The following WRNIP1 variants were observed in gnomAD, a reference collection of about 807,000 sequenced individuals.
The protein encoded by WRNIP1 is ATPase WRNIP1.
In WRNIP1, 41 loss-of-function variants were observed where a neutral mutation model predicts 56.1. The ratio of observed to expected loss-of-function variants is 0.73; its 90% CI spans 0.57 to 0.95. The LOEUF (loss-of-function observed/expected upper bound fraction) is 0.95. Among genes scored for constraint, WRNIP1 ranks in the 40% least tolerant of loss-of-function variants. The probability of loss-of-function intolerance (pLI) is 0.00; values close to 1 mark genes in which losing one functional copy is unlikely to be tolerated. For synonymous variants in WRNIP1, 547 were observed against 398.1 expected, an observed-to-expected ratio of 1.37 and a Z score of -4.45; for missense variants, 1,170 against 939.4, an observed-to-expected ratio of 1.25 and a Z score of -3.21.
intron 1 of WRNIP1, among the ~76,000 whole-genome samples, 184 bp from the exon 2 acceptor site, chr6:2,768,507 T>C (rs1329412470): frequency 6.6e-6 from 1 of 152,218 alleles, no homozygotes; most frequent in Non-Finnish European, 1.5e-5. Flanking sequence ...TTATTTATAA[T>C]ATTTTTGTTG....
rs1024949784 is a variant in WRNIP1 at position 2,765,822 on chromosome 6, C to A, written c.200C>A (p.Pro67His). Residue 67 changes from proline (P) to histidine (H), a missense_variant, in exon 1 of 7, where the codon CCC becomes CAC. Transcript: ENST00000380773. ...AGERAKGPSP[P>H]GAKRRRLSES... is the part of the protein sequence containing the mutation. ...GAGCGGGCCAAGGGGCCCTCGCCGC[C>A]CGGCGCCAAGAGGCGGCGGCTGTCG... The A allele has an allele frequency of 4.3e-5, 58 of 1,357,256 alleles. No homozygotes were observed. The highest frequency in any genetic ancestry group is 5.4e-5 in the Non-Finnish European group (57 of 1,059,936). 84.1% of individuals were successfully genotyped at this position (1,357,256 alleles called of 1,614,324 possible).
chr6:2,783,653 T>TTTTTTTTGGGG lies in WRNIP1; in HGVS notation c.1642+92_1642+93insTTTTTTTGGGG. ...TCGTGGCTTTTTTTTTTTTTTTTTT[T>TTTTTTTTGGGG]GCAGGGCGGGGTGGGCGGGGGTAGC... On this transcript the variant is annotated intron_variant, in intron 5 of 6. Coordinates refer to ENST00000380773, the MANE Select transcript of WRNIP1 (RefSeq NM_020135.3). The TTTTTTTTGGGG allele has an allele frequency of 1.6e-3, 192 of 120,080 alleles. 4 individuals carry two copies. The highest frequency in any genetic ancestry group is 5.1e-3 in the Admixed American group (18 of 3,496). 7.4% of individuals were successfully genotyped at this position (120,080 alleles called of 1,614,324 possible). A position where few individuals can be genotyped will look rare whatever the true frequency, so the allele number is the denominator to read the frequency against.
chr6:2,783,932 T>G (rs953554181), intron 5 of WRNIP1, among the ~76,000 whole-genome samples: 2 of 152,126 alleles, frequency 1.3e-5, no homozygotes, highest in Admixed American at 1.3e-4. Context: ...AAGGTAGAAA[T>G]GGAAGACTCT....
chr6:2,768,323 A>T (rs1582166914), intron 1 of WRNIP1, among the ~76,000 whole-genome samples: 2 of 152,028 alleles, frequency 1.3e-5, no homozygotes. Flanking sequence ...CGGCTAGAGG[A>T]GGGAGAATTT....
Position 2,766,276 on chromosome 6 carries a change from C to T in WRNIP1, c.654C>T (p.Ile218=). The part of the protein sequence containing the change: ...PHPRALAAEE[I]RQMLQGKPLA... Reference sequence around the variant, plus strand: ...CCCGGGCGCTGGCTGCCGAGGAGATCCGACAGATGCTACAGGGCAAGCCGC... The same window carrying T: ...CCCGGGCGCTGGCTGCCGAGGAGATTCGACAGATGCTACAGGGCAAGCCGC... Residue 218 remains isoleucine, a synonymous_variant, in exon 1 of 7, where the codon ATC becomes ATT. Coordinates refer to ENST00000380773, the MANE Select transcript of WRNIP1 (RefSeq NM_020135.3). 1.3e-6 allele frequency: 2 copies of T among 1,581,604 alleles called. No homozygotes were observed. Among genetic ancestry groups the T allele is most frequent in the South Asian group, 2.3e-5 (2 of 86,444 alleles).
Position 2,783,877 on chromosome 6 carries a change from A to G in WRNIP1, c.1642+316A>G, listed in dbSNP as rs184134707. ...ATTGCAATAGATGAGCTGCTTTTAA[A>G]TTTGCTTTAAGTCAGGTGTTCAAGG... On this transcript the variant is annotated intron_variant, in intron 5 of 6. Transcript: ENST00000380773. 2.0e-5 allele frequency among the ~76,000 whole-genome samples: 3 copies of G among 152,136 alleles called. No individual in the cohort carries two copies. The East Asian group carries it at 5.8e-4, about 29-fold the overall frequency.
chr6:2,765,473 T>A lies in WRNIP1; in HGVS notation c.-150T>A. On this transcript the variant is annotated 5_prime_UTR_variant, in exon 1 of 7. An upstream start codon of the reference 5' UTR is lost. Transcript: ENST00000380773. ...ACGCGGGAGCTGCGGACGTGAGGCA[T>A]GAGCGGCGCCCTCCTCCGGCCCGCG... 1 of 1,015,690 alleles carries A rather than the reference T, an allele frequency of 9.8e-7. No individual in the cohort carries two copies. The highest frequency in any genetic ancestry group is 1.3e-6 in the Non-Finnish European group (1 of 792,220). 62.9% of individuals were successfully genotyped at this position (1,015,690 alleles called of 1,614,324 possible).
chr6:2,774,258 A>G (rs1243492823), intron 3 of WRNIP1: 3 of 964,516 alleles, frequency 3.1e-6, no homozygotes, highest in African/African-American at 1.8e-5. Flanking sequence ...CACAGATCTC[A>G]TGGTCCTTGG....
intron 1 of WRNIP1, among the ~76,000 whole-genome samples, chr6:2,767,692 A>ATGGATAATCAGCTGT (rs1484710096): frequency 4.6e-5 from 7 of 152,234 alleles, no homozygotes; most frequent in Non-Finnish European, 8.8e-5. Flanking sequence ...GATCATGAGA[A>ATGGATAATCAGCTGT]TGGATAATCA....
At chr6:2,776,279 G>A (rs1561913644) in intron 3 of WRNIP1, among the ~76,000 whole-genome samples, 1 of 152,316 alleles carries the variant, frequency 6.6e-6, no homozygotes, top group South Asian at 2.1e-4. Context: ...CTGCTCAGTC[G>A]TCTTCACAGT....
At chr6:2,769,118 A>G (rs1188783397) in intron 2 of WRNIP1, among the ~76,000 whole-genome samples, 1 of 152,242 alleles carries the variant, frequency 6.6e-6, no homozygotes, top group African/African-American at 2.4e-5. Context: ...AGCTATACGT[A>G]TCAGAAAAGC....
At chr6:2,768,245 G>A (rs1251320135) in intron 1 of WRNIP1, among the ~76,000 whole-genome samples, 2 of 152,128 alleles carry the variant, frequency 1.3e-5, no homozygotes, top group Non-Finnish European at 2.9e-5. Flanking sequence ...TTTCTCAGCT[G>A]TCCTGAGCTT....
intron 3 of WRNIP1, among the ~76,000 whole-genome samples, chr6:2,772,362 T>C (rs1032327605): frequency 6.6e-6 from 1 of 152,234 alleles, no homozygotes; most frequent in Non-Finnish European, 1.5e-5. Context: ...ATCCCAATTA[T>C]ATTTGCTATC....
Position 2,785,402 on chromosome 6 carries a change from G to T in WRNIP1, c.*120G>T, listed in dbSNP as rs1059630. ...TAGAACAGACCAACATTTTGTGCCA[G>T]AAATTTAAGAGTTCCATAGGTGGAG... On this transcript the variant is annotated 3_prime_UTR_variant, in exon 7 of 7. Transcript: ENST00000380773. 216,861 of 1,187,846 alleles carry T rather than the reference G, an allele frequency of 0.18. 21,420 individuals are homozygous for T. Among genetic ancestry groups the T allele is most frequent in the East Asian group, 0.29 (12,187 of 41,322 alleles). 73.6% of individuals were successfully genotyped at this position (1,187,846 alleles called of 1,614,324 possible). A position where few individuals can be genotyped will look rare whatever the true frequency, so the allele number is the denominator to read the frequency against.
Position 2,765,396 on chromosome 6 carries a change from C to T in WRNIP1, c.-227C>T, listed in dbSNP as rs913989274. 1.2e-5 allele frequency: 5 copies of T among 402,224 alleles called. No individual in the cohort carries two copies. The highest frequency in any genetic ancestry group is 5.0e-5 in the Admixed American group (1 of 20,062). The allele number at this position is 402,224 out of a possible 1,614,324, so 24.9% of individuals were successfully genotyped here. ...CCGGGGCAAACGGCCACGAACTACACTTCCCGACACGCCGCGTGAGGCGCT... is the reference window on the plus strand; with the variant it reads ...CCGGGGCAAACGGCCACGAACTACATTTCCCGACACGCCGCGTGAGGCGCT... On this transcript the variant is annotated 5_prime_UTR_variant, in exon 1 of 7. Transcript: ENST00000380773.
At position 2,766,459 on chromosome 6, in the gene WRNIP1, G is replaced by T; in HGVS notation, c.822+15G>T. 1 of 1,502,224 alleles carries T rather than the reference G, an allele frequency of 6.7e-7. No homozygotes were observed. The allele number at this position is 1,502,224 out of a possible 1,614,324, so 93.1% of individuals were successfully genotyped here. ...GCTGCGGCAAGGTGAGTGCGGCCTT[G>T]GCCGTTGGGCTTCCGTAGTTATCTC... is the stretch of plus-strand genomic sequence containing the variant. On this transcript the variant is annotated intron_variant, in intron 1 of 6. Transcript: ENST00000380773.
At chr6:2,772,627 G>C (rs954365012) in intron 3 of WRNIP1, among the ~76,000 whole-genome samples, 1 of 152,194 alleles carries the variant, frequency 6.6e-6, no homozygotes, top group African/African-American at 2.4e-5. Flanking sequence ...TAAAATGAAA[G>C]AATGTTAAGC....
chr6:2,783,951 T>C (rs940359906), intron 5 of WRNIP1, among the ~76,000 whole-genome samples: 1 of 152,212 alleles, frequency 6.6e-6, no homozygotes, highest in African/African-American at 2.4e-5. Flanking sequence ...CTAGACACTA[T>C]ATGAAGAAAA....
Position 2,786,768 on chromosome 6 carries a change from T to G in WRNIP1, c.*1486T>G, listed in dbSNP as rs975197684. On this transcript the variant is annotated 3_prime_UTR_variant, in exon 7 of 7. Transcript: ENST00000380773. Reference sequence around the variant, plus strand: ...ATCCTGATGTGTGTGGTCTTTTGTTTGTAACCTCTATCAACTTGTAGACTC... The same window carrying G: ...ATCCTGATGTGTGTGGTCTTTTGTTGGTAACCTCTATCAACTTGTAGACTC... 6.6e-5 allele frequency: 10 copies of G among 152,232 alleles called. No homozygotes were observed. The highest frequency in any genetic ancestry group is 1.3e-4 in the Non-Finnish European group (9 of 68,040). The allele number at this position is 152,232 out of a possible 1,614,324, so 9.4% of individuals were successfully genotyped here.
Sources: allele counts gnomAD v4.1 joint callset (sites outside exome capture counted in the v4.1 genomes callset), GRCh38; gene constraint gnomAD v4.1.1; transcripts MANE v1.5; gene names NCBI Gene and HGNC (gene_info 2026-07-23, HGNC 2026-07-21).